Variants in ZFHX3 observed in about 807,000 individuals in gnomAD.
ZFHX3 encodes zinc finger homeobox protein 3.
ZFHX3 carries 42 observed loss-of-function variants against 279.1 expected under a neutral mutation model. The observed-to-expected ratio is 0.15, with a 90% CI of 0.12 to 0.19. The LOEUF is 0.19. Ranked by LOEUF, ZFHX3 falls within the 10% of genes least tolerant of loss-of-function variation. The probability of loss-of-function intolerance (pLI) is 1.00; values close to 1 mark genes in which losing one functional copy is unlikely to be tolerated. For missense variants in ZFHX3, 4,981 were observed against 4,754.0 expected (o/e 1.05, Z -1.40); for synonymous variants, 2,293 against 1,957.8 (o/e 1.17, Z -4.52).
In ZFHX3 at chr16:73,146,550, C is replaced by T. The variant is rs151085615; in HGVS notation, c.-1103-2719G>A. Among the ~76,000 whole-genome samples the T allele has an allele frequency of 6.4e-4, 98 of 152,244 alleles. 2 individuals are homozygous for T. Among genetic ancestry groups the T allele is most frequent in the African/African-American group, 2.2e-3 (91 of 41,548 alleles). On this transcript the variant is annotated intron_variant, in intron 5 of 17. Transcript: ENST00000641206. The stretch of plus-strand genomic sequence containing the variant: ...CAACTAGAAAGCATGAATGGGAGAA[C>T]GGCTTGTTGAAATTGCAAGGTTATT...
intron 3 of ZFHX3, among the ~76,000 whole-genome samples, chr16:73,393,153 G>A (rs2017054697): frequency 6.6e-6 from 1 of 152,064 alleles, no homozygotes; most frequent in African/African-American, 2.4e-5. Flanking sequence ...AGTTTCATTG[G>A]CTCACAGCTC....
intron 5 of ZFHX3, among the ~76,000 whole-genome samples, chr16:73,168,211 T>TCTTTCTTTCTTTCTTTCTTTCTTTC (rs1967422435): frequency 2.1e-5 from 2 of 95,222 alleles, no homozygotes; most frequent in Admixed American, 2.4e-4. Context: ...GTTTCTTTTG[T>TCTTTCTTTCTTTCTTTCTTTCTTTC]TTTCTTTCTT....
intron 3 of ZFHX3, among the ~76,000 whole-genome samples, chr16:72,935,875 T>C (rs1403981903): frequency 6.6e-6 from 1 of 151,988 alleles, no homozygotes; most frequent in East Asian, 1.9e-4. Context: ...ATCTTACAAC[T>C]AAGCAGAGAA....
intron 4 of ZFHX3, among the ~76,000 whole-genome samples, chr16:73,308,262 TA>T (rs1567446250): frequency 4.7e-3 from 148 of 31,802 alleles, no homozygotes; most frequent in South Asian, 0.014. Context: ...TATATATATA[TA>T]TATATATATA....
intron 4 of ZFHX3, chr16:73,293,939 C>T (rs2014836675): frequency 1.5e-5 from 2 of 129,282 alleles, no homozygotes; most frequent in East Asian, 4.9e-4. Flanking sequence ...ATTCAACGCT[C>T]ACTAGAAAAC....
chr16:73,155,303 T>A (rs1798192188), intron 5 of ZFHX3, among the ~76,000 whole-genome samples: 1 of 151,968 alleles, frequency 6.6e-6, no homozygotes, highest in Admixed American at 6.6e-5. Context: ...AGGTAAATAA[T>A]TCTTAGGGCT....
Position 73,000,343 on chromosome 16 carries a change from G to A in ZFHX3, c.-49-40149C>T, listed in dbSNP as rs149875784. Among the ~76,000 whole-genome samples the A allele has an allele frequency of 1.4e-3, 220 of 152,304 alleles. 1 individual carries two copies. The highest frequency in any genetic ancestry group is 5.1e-3 in the African/African-American group (211 of 41,576). Reference sequence around the variant, plus strand: ...GTGAGCATGAATTAAAAAGCCATCCGGGAACAATGGTCTTTTCATATTTGG... The same window carrying A: ...GTGAGCATGAATTAAAAAGCCATCCAGGAACAATGGTCTTTTCATATTTGG... On this transcript the variant is annotated intron_variant, in intron 1 of 9. Transcript: ENST00000268489.
rs868849026 is a variant in ZFHX3 at position 73,168,211 on chromosome 16, T to C, written c.-1103-24380A>G. ...CCTTTTAACACTATAGTTTCTTTTG[T>C]TTTCTTTCTTTCTTTCTTTCTTTCT... On this transcript the variant is annotated intron_variant, in intron 5 of 17. Transcript: ENST00000641206. Among the ~76,000 whole-genome samples the C allele has an allele frequency of 5.4e-4, 51 of 95,308 alleles. 1 individual carries two copies. The highest frequency in any genetic ancestry group is 5.1e-3 in the Admixed American group (42 of 8,294). 62.5% of individuals were successfully genotyped at this position (95,308 alleles called of 152,430 possible).
At chr16:73,745,805 T>A (rs372888378) in intron 1 of ZFHX3, among the ~76,000 whole-genome samples, 9 of 152,328 alleles carry the variant, frequency 5.9e-5, no homozygotes, top group African/African-American at 1.9e-4. Context: ...TCTGATTATG[T>A]CTCTGGTGTC....
chr16:73,219,183 C>A (rs1048289898), intron 5 of ZFHX3, among the ~76,000 whole-genome samples: 3 of 152,146 alleles, frequency 2.0e-5, no homozygotes, highest in African/African-American at 7.2e-5. Flanking sequence ...TTTTGTTTGT[C>A]CATTCTTCTG....
chr16:73,311,071 A>T (rs1271341644), intron 4 of ZFHX3, among the ~76,000 whole-genome samples: 1 of 151,452 alleles, frequency 6.6e-6, no homozygotes, highest in Non-Finnish European at 1.5e-5. Context: ...TGTCTTTACT[A>T]AAAATACAAA....
chr16:73,044,602 GTT>G (rs1965226804), intron 1 of ZFHX3, among the ~76,000 whole-genome samples: 1 of 36,372 alleles, frequency 2.7e-5, no homozygotes, highest in South Asian at 1.2e-3. Flanking sequence ...AAAGGTGAGT[GTT>G]TGTTTGTTTG....
chr16:73,235,787 C>G (rs1473753114), intron 5 of ZFHX3, among the ~76,000 whole-genome samples: 1 of 152,130 alleles, frequency 6.6e-6, no homozygotes, highest in Non-Finnish European at 1.5e-5. Context: ...ATCCTCCCAT[C>G]AGCCTCCAGA....
chr16:73,716,653 ATG>A (rs67509820), intron 1 of ZFHX3, among the ~76,000 whole-genome samples: 16,439 of 133,216 alleles, frequency 0.12, 1,062 homozygotes, highest in Non-Finnish European at 0.16. Flanking sequence ...ACACACACGC[ATG>A]CACGCACGCA....
intron 1 of ZFHX3, among the ~76,000 whole-genome samples, chr16:73,865,955 A>C (rs890952045): frequency 5.9e-5 from 9 of 152,096 alleles, no homozygotes; most frequent in African/African-American, 2.2e-4. Flanking sequence ...ACTGCACTCC[A>C]GCCTGGGGGA....
rs189730794 is a variant in ZFHX3 at position 72,977,937 on chromosome 16, T to C, written c.-49-17743A>G. Among the ~76,000 whole-genome samples, 389 of 152,218 alleles carry C rather than the reference T, an allele frequency of 2.6e-3. 2 individuals are homozygous for C. The highest frequency in any genetic ancestry group is 4.2e-3 in the Non-Finnish European group (287 of 68,008). On this transcript the variant is annotated intron_variant, in intron 1 of 9. Transcript: ENST00000268489. ...TGGAGTGCAGTGGCACGATCTCGGCTCACTGCAACCTCCGCCTCCCAGGTT... is the reference window on the plus strand; with the variant it reads ...TGGAGTGCAGTGGCACGATCTCGGCCCACTGCAACCTCCGCCTCCCAGGTT...
chr16:73,260,701 T>G (rs2013798620), intron 4 of ZFHX3, among the ~76,000 whole-genome samples: 1 of 144,980 alleles, frequency 6.9e-6, no homozygotes, highest in Non-Finnish European at 1.5e-5. Context: ...TTTTTTTTTT[T>G]TTTTTTGAGA....
intron 2 of ZFHX3, among the ~76,000 whole-genome samples, chr16:73,675,390 C>T (rs2052944262): frequency 6.6e-6 from 1 of 152,044 alleles, no homozygotes; most frequent in Non-Finnish European, 1.5e-5. Flanking sequence ...AAGAAAGACA[C>T]ATATAAAATC....
At chr16:73,458,101 T>C (rs892033112) in intron 2 of ZFHX3, among the ~76,000 whole-genome samples, 1 of 152,230 alleles carries the variant, frequency 6.6e-6, no homozygotes, top group African/African-American at 2.4e-5. Context: ...CTCTGTTTCC[T>C]GGTTAGTCAA....
Sources: gnomAD v4.1 joint callset for allele counts (sites outside exome capture counted in the v4.1 genomes callset) on GRCh38, gnomAD v4.1.1 for gene constraint, MANE v1.5 for transcripts, NCBI Gene and HGNC (gene_info 2026-07-23, HGNC 2026-07-21) for gene names.